The following ADCY9 variants were observed in gnomAD, a reference collection of about 807,000 sequenced individuals.
ADCY9 encodes the protein adenylate cyclase 9.
In ADCY9, 50 loss-of-function variants were observed where a neutral mutation model predicts 101.5. That is an observed-to-expected ratio of 0.49 (90% CI 0.39 to 0.62). ADCY9 has a LOEUF of 0.62. Among genes scored for constraint, ADCY9 ranks in the 20% least tolerant of loss-of-function variants. ADCY9 has a pLI of 0.00. For missense variants in ADCY9, 1,662 were observed against 1,800.4 expected (o/e 0.92, Z 1.39); for synonymous variants, 905 against 769.3 (o/e 1.18, Z -2.92).
intron 2 of ADCY9, among the ~76,000 whole-genome samples, chr16:4,092,438 A>G (rs1166737996): frequency 6.6e-6 from 1 of 152,194 alleles, no homozygotes; most frequent in African/African-American, 2.4e-5. Flanking sequence ...AAAAATCAAT[A>G]CTTCCCTAAT....
At chr16:4,018,460 G>A (rs1164717043) in intron 2 of ADCY9, among the ~76,000 whole-genome samples, 4 of 152,026 alleles carry the variant, frequency 2.6e-5, no homozygotes, top group Admixed American at 1.3e-4. Context: ...TGATCCACCC[G>A]CCTCGGCCTC....
chr16:4,081,235 C>T (rs1194866336), intron 2 of ADCY9, among the ~76,000 whole-genome samples: 4 of 152,118 alleles, frequency 2.6e-5, no homozygotes, highest in Admixed American at 6.5e-5. Context: ...AATCAGCAGG[C>T]GGCACCTGGG....
At chr16:4,060,054 G>C (rs1185498414) in intron 2 of ADCY9, among the ~76,000 whole-genome samples, 1 of 152,162 alleles carries the variant, frequency 6.6e-6, no homozygotes, top group Non-Finnish European at 1.5e-5. Flanking sequence ...AAAATTGGTG[G>C]CTCCACTGCT....
Position 4,115,270 on chromosome 16 carries a change from C to G in ADCY9, c.173G>C (p.Gly58Ala), listed in dbSNP as rs768638075. The G allele has an allele frequency of 1.9e-5, 30 of 1,613,580 alleles. No individual in the cohort carries two copies. The highest frequency in any genetic ancestry group is 2.4e-5 in the Non-Finnish European group (28 of 1,179,824). Residue 58 changes from glycine to alanine, a missense_variant, in exon 2 of 11, where the codon GGG becomes GCG. Physicochemically the swap from Gly to Ala is moderately conservative, Grantham distance 60. This residue lies in a region of ADCY9 where 422 missense variants were observed against 392.0 expected (regional missense o/e 1.08). Transcript: ENST00000294016. This position sits in a 1 kb window ranked among gnomAD's most constrained non-coding sequence, Gnocchi z 6.2. Reference sequence around the variant, plus strand: ...TCGCCGGGGGACGCCCCCGGAGTCCCCAGAGCTGCTGCAGCTAGAGGAGAT... The same window carrying G: ...TCGCCGGGGGACGCCCCCGGAGTCCGCAGAGCTGCTGCAGCTAGAGGAGAT... ...YSISSSCSSSGDSGGVPRRVG... is the reference protein window; with the variant it reads ...YSISSSCSSSADSGGVPRRVG...
chr16:4,115,454 C>T lies in ADCY9; in HGVS notation c.-12G>A, dbSNP rs1412619055. The T allele has an allele frequency of 6.6e-7, 1 of 1,525,766 alleles. No homozygotes were observed. Among genetic ancestry groups the T allele is most frequent in the South Asian group, 1.2e-5 (1 of 80,830 alleles). The allele number at this position is 1,525,766 out of a possible 1,614,324, so 94.5% of individuals were successfully genotyped here. On this transcript the variant is annotated 5_prime_UTR_variant, in exon 2 of 11. Coordinates refer to ENST00000294016, the MANE Select transcript of ADCY9 (RefSeq NM_001116.4). This position sits in a 1 kb window ranked among gnomAD's most constrained non-coding sequence, Gnocchi z 6.2. Reference sequence around the variant, plus strand: ...GGTGGGGAAGCCATGTTGTCGAGTCCCGGGGCCTGCCCCGGCCGGGGTCAC... The same window carrying T: ...GGTGGGGAAGCCATGTTGTCGAGTCTCGGGGCCTGCCCCGGCCGGGGTCAC...
rs2057150442 is a variant in ADCY9, at chr16:4,116,046, G to T, written c.-400C>A. On this transcript the variant is annotated 5_prime_UTR_variant, in exon 1 of 11. Coordinates refer to ENST00000294016, the MANE Select transcript of ADCY9 (RefSeq NM_001116.4). ...CTCGCGCTCCCCGGCCGCCCCCCGCGCTCCGGGCCGGCCCTGCCCGCGGCG... is the reference window on the plus strand; with the variant it reads ...CTCGCGCTCCCCGGCCGCCCCCCGCTCTCCGGGCCGGCCCTGCCCGCGGCG... The T allele has an allele frequency of 1.4e-5, 2 of 145,478 alleles. No individual in the cohort carries two copies. Among genetic ancestry groups the T allele is most frequent in the Admixed American group, 1.4e-4 (2 of 14,668 alleles). The allele number at this position is 145,478 out of a possible 1,614,324, so 9.0% of individuals were successfully genotyped here.
chr16:3,995,115 A>C (rs2601789), intron 3 of ADCY9, among the ~76,000 whole-genome samples: 148,059 of 152,238 alleles, frequency 0.97, 72,107 homozygotes, highest in East Asian at 1. Context: ...ATCTATAAAC[A>C]AAGAGTGAAG....
Position 3,966,506 on chromosome 16 carries a change from C to G in ADCY9, c.3331G>C (p.Gly1111Arg). The G allele has an allele frequency of 6.2e-7, 1 of 1,614,130 alleles. No individual in the cohort carries two copies. The highest frequency in any genetic ancestry group is 8.5e-7 in the Non-Finnish European group (1 of 1,180,030). The part of the protein sequence containing the change: ...YSSIEKIKTI[G>R]ATYMAASGLN... ...CCTGACGCCGCCATGTACGTGGCTC[C>G]GATGGTCTTGATCTTCTCGATGCTG... Residue 1111 changes from glycine (G) to arginine (R), a missense_variant, in exon 11 of 11, where the codon GGA (glycine) becomes CGA (arginine). Coordinates refer to ENST00000294016, the MANE Select transcript of ADCY9 (RefSeq NM_001116.4).
intron 5 of ADCY9, among the ~76,000 whole-genome samples, chr16:3,990,181 G>A (rs756955741): frequency 2.0e-5 from 3 of 152,028 alleles, no homozygotes; most frequent in Non-Finnish European, 2.9e-5. Flanking sequence ...TAAATTAGAC[G>A]AGGCTGGGCG....
At position 3,965,593 on chromosome 16, in the gene ADCY9, G is replaced by A. The variant is rs1188182790; in HGVS notation, c.*182C>T. ...GGGGTTTCCAGGGAAGGGAGCGAAA[G>A]GGAAGAATGGATGAAAATGAACCCT... On this transcript the variant is annotated 3_prime_UTR_variant, in exon 11 of 11. Coordinates refer to ENST00000294016, the MANE Select transcript of ADCY9 (RefSeq NM_001116.4). 4 of 640,976 alleles carry A rather than the reference G, an allele frequency of 6.2e-6. No homozygotes were observed. The highest frequency in any genetic ancestry group is 3.7e-5 in the African/African-American group (2 of 54,618). 39.7% of individuals were successfully genotyped at this position (640,976 alleles called of 1,614,324 possible). A position where few individuals can be genotyped will look rare whatever the true frequency, so the allele number is the denominator to read the frequency against.
chr16:4,041,746 ATTTT>A (rs1042775207), intron 2 of ADCY9, among the ~76,000 whole-genome samples: 7 of 146,900 alleles, frequency 4.8e-5, no homozygotes, highest in Admixed American at 6.8e-5. Context: ...TATTTATCTG[ATTTT>A]TTTTGTTTTT....
chr16:4,089,617 T>G (rs999073546), intron 2 of ADCY9, among the ~76,000 whole-genome samples: 1 of 152,032 alleles, frequency 6.6e-6, no homozygotes, highest in African/African-American at 2.4e-5. Context: ...GGCCCTACGG[T>G]AGCTCCGTGC....
chr16:4,107,454 G>A (rs1034609848), intron 2 of ADCY9, among the ~76,000 whole-genome samples: 5 of 150,260 alleles, frequency 3.3e-5, no homozygotes, highest in Admixed American at 2.7e-4. Context: ...GGGAGGCTGA[G>A]GCAGGAGAAC....
In ADCY9 at chr16:3,965,169, C is replaced by T. The variant is rs994232348; in HGVS notation, c.*606G>A. ...ACGGGGCGCGGTGCTCGGGAAAGTGCGGGTGGGCAATGGGGGGTGGCGGAG... is the reference window on the plus strand; with the variant it reads ...ACGGGGCGCGGTGCTCGGGAAAGTGTGGGTGGGCAATGGGGGGTGGCGGAG... On this transcript the variant is annotated 3_prime_UTR_variant, in exon 11 of 11. Transcript: ENST00000294016. 1.3e-5 allele frequency: 2 copies of T among 157,064 alleles called. No homozygotes were observed. The highest frequency in any genetic ancestry group is 6.2e-5 in the Admixed American group (1 of 16,066). 9.7% of individuals were successfully genotyped at this position (157,064 alleles called of 1,614,324 possible).
intron 2 of ADCY9, among the ~76,000 whole-genome samples, chr16:4,027,294 A>G (rs1287124903): frequency 1.3e-5 from 2 of 152,180 alleles, no homozygotes; most frequent in East Asian, 1.9e-4. Flanking sequence ...ATTTTGTCCA[A>G]TTCTTTGTTC....
chr16:3,990,449 C>G (rs28606577), intron 5 of ADCY9, among the ~76,000 whole-genome samples: 136,690 of 151,304 alleles, frequency 0.9, 61,922 homozygotes, highest in Non-Finnish European at 0.94. Flanking sequence ...CTGGGTGACA[C>G]AGCAAGACTA....
intron 2 of ADCY9, among the ~76,000 whole-genome samples, chr16:4,025,779 G>A (rs1465260866): frequency 6.6e-6 from 1 of 152,164 alleles, no homozygotes; most frequent in East Asian, 1.9e-4. Context: ...AGAAGAAACC[G>A]ACTCCCAGAC....
At position 4,097,450 on chromosome 16, in the gene ADCY9, TTACATATATATATATATA is replaced by T. The variant is rs2057010968; in HGVS notation, c.1693+16282_1693+16299del. 1.1e-4 allele frequency among the ~76,000 whole-genome samples: 3 copies of T among 26,904 alleles called. No individual in the cohort carries two copies. In the South Asian group the frequency reaches 5.5e-3, roughly 49 times the overall value. The allele number at this position is 26,904 out of a possible 152,430, so 17.7% of individuals were successfully genotyped here. On this transcript the variant is annotated intron_variant, in intron 2 of 10. Coordinates refer to ENST00000294016, the MANE Select transcript of ADCY9 (RefSeq NM_001116.4). ...CATAACAGGGTACTCACATGTGGAG[TTACATATATATATATATA>T]TATATATATATATATATATACACAC...
At chr16:3,978,446 G>A (rs112808353) in intron 8 of ADCY9, among the ~76,000 whole-genome samples, 99 of 152,178 alleles carry the variant, frequency 6.5e-4, no homozygotes, top group Non-Finnish European at 1.1e-3. Context: ...AGCCGACCCG[G>A]GCACAAGTCA....
Sources: allele counts gnomAD v4.1 joint callset (sites outside exome capture counted in the v4.1 genomes callset), GRCh38; gene constraint gnomAD v4.1.1; regional missense constraint gnomAD v4.1.1; non-coding constraint Gnocchi (gnomAD v3.1); transcripts MANE v1.5; gene names NCBI Gene and HGNC (gene_info 2026-07-23, HGNC 2026-07-21).